Variants in RFX8 observed in about 807,000 individuals in gnomAD.
RFX8 encodes DNA-binding protein RFX8.
In RFX8, 46 loss-of-function variants were observed where a neutral mutation model predicts 54.6. The observed-to-expected ratio is 0.84, with a 90% confidence interval of 0.67 to 1.08. The LOEUF (loss-of-function observed/expected upper bound fraction) is 1.08. Among genes scored for constraint, RFX8 ranks in the 50% least tolerant of loss-of-function variants. RFX8 has a pLI of 0.00. For synonymous variants in RFX8, 192 were observed against 209.5 expected (o/e 0.92, Z 0.72); for missense variants, 536 against 562.3 (o/e 0.95, Z 0.47).
intron 4 of RFX8, among the ~76,000 whole-genome samples, chr2:101,420,792 C>T (rs965908311): frequency 3.9e-5 from 6 of 152,158 alleles, no homozygotes; most frequent in African/African-American, 1.4e-4. Context: ...CTTCTCTGGG[C>T]ACCCAGAATA....
chr2:101,465,918 G>A (rs996799769), intron 2 of RFX8, among the ~76,000 whole-genome samples: 2 of 152,166 alleles, frequency 1.3e-5, no homozygotes, highest in African/African-American at 2.4e-5. Context: ...AGGTGGGCAG[G>A]GAGGCAAAGG....
intron 2 of RFX8, among the ~76,000 whole-genome samples, chr2:101,432,370 C>G (rs1362341283): frequency 6.6e-6 from 1 of 152,140 alleles, no homozygotes; most frequent in Non-Finnish European, 1.5e-5. Flanking sequence ...GTTCAGGTCA[C>G]CAGCACCCTG....
chr2:101,416,335 G>A (rs191474238), intron 6 of RFX8, among the ~76,000 whole-genome samples: 7 of 152,228 alleles, frequency 4.6e-5, no homozygotes, highest in African/African-American at 7.2e-5. Context: ...TCCTTGGACC[G>A]CTTTTGCAGC....
At chr2:101,460,743 CTTT>C (rs1197006275) in intron 2 of RFX8, among the ~76,000 whole-genome samples, 1 of 140,958 alleles carries the variant, frequency 7.1e-6, no homozygotes. Context: ...CTCTTTCTTT[CTTT>C]TTTTTTTTTT....
chr2:101,444,899 G>T (rs902298750), intron 2 of RFX8, among the ~76,000 whole-genome samples: 17 of 152,168 alleles, frequency 1.1e-4, no homozygotes, highest in Non-Finnish European at 2.2e-4. Context: ...CCATGAAGTA[G>T]ATACTGTTAT....
At chr2:101,468,586 G>A (rs2148996810) in intron 1 of RFX8, among the ~76,000 whole-genome samples, 1 of 152,124 alleles carries the variant, frequency 6.6e-6, no homozygotes, top group South Asian at 2.1e-4. Flanking sequence ...CACCGTGCAT[G>A]GCTAGTATCT....
At chr2:101,439,669 A>G (rs539598663) in intron 2 of RFX8, among the ~76,000 whole-genome samples, 1 of 151,194 alleles carries the variant, frequency 6.6e-6, no homozygotes, top group East Asian at 1.9e-4. Context: ...CTTTCATGGA[A>G]TTAATTTTGT....
In RFX8 at chr2:101,409,058, G is replaced by A. The variant is rs187418557; in HGVS notation, c.813+1561C>T. Among the ~76,000 whole-genome samples the A allele has an allele frequency of 7.9e-5, 12 of 152,174 alleles. No homozygotes were observed. The East Asian group carries it at 1.9e-3, about 25-fold the overall frequency. On this transcript the variant is annotated intron_variant, in intron 9 of 11. Transcript: ENST00000428343. ...AACTCACTCCTGCTCTTGAATGCCC[G>A]ATCCCCCTCTCTCAGCTTATTTTAA... is the stretch of plus-strand genomic sequence containing the variant.
intron 2 of RFX8, 90 bp downstream of exon 2, chr2:101,466,687 G>T: frequency 1.1e-6 from 1 of 933,332 alleles, no homozygotes; most frequent in South Asian, 1.4e-5. Context: ...AAATCCATTA[G>T]ACTCAAATAC....
rs779118737 is a variant in RFX8, at chr2:101,418,843, C to G, written c.351+8G>C. 6.6e-7 allele frequency: 1 copy of G among 1,526,178 alleles called. No homozygotes were observed. The highest frequency in any genetic ancestry group is 8.9e-7 in the Non-Finnish European group (1 of 1,123,656). 94.5% of individuals were successfully genotyped at this position (1,526,178 alleles called of 1,614,324 possible). A position where few individuals can be genotyped will look rare whatever the true frequency, so the allele number is the denominator to read the frequency against. ...GGATATACTCTAGAGACTCACGCGT[C>G]CTCCTACCTTGTACAGCTGGACGTC... On this transcript the variant is annotated splice_region_variant and intron_variant, in intron 5 of 11. Transcript: ENST00000428343.
intron 4 of RFX8, chr2:101,421,208 C>T: frequency 2.1e-6 from 2 of 975,026 alleles, no homozygotes; most frequent in Non-Finnish European, 2.4e-6. Flanking sequence ...GCACTTGTTT[C>T]CTTGGATTTT....
chr2:101,467,367 G>A (rs894134728), intron 1 of RFX8, among the ~76,000 whole-genome samples: 12 of 152,286 alleles, frequency 7.9e-5, no homozygotes, highest in Admixed American at 7.8e-4. Flanking sequence ...CCCAGGGCCC[G>A]TTTTCACATC....
intron 2 of RFX8, among the ~76,000 whole-genome samples, chr2:101,463,056 A>G (rs1453682645): frequency 6.6e-6 from 1 of 152,178 alleles, no homozygotes; most frequent in Non-Finnish European, 1.5e-5. Context: ...TCTAATTATT[A>G]TCTGTCCGTC....
chr2:101,450,752 C>T (rs999507326), intron 2 of RFX8: 58 of 771,516 alleles, frequency 7.5e-5, no homozygotes, highest in African/African-American at 4.2e-4. Context: ...AGAGAATAGG[C>T]GAACTAATGA....
chr2:101,430,924 A>C (rs1382806159), intron 2 of RFX8, among the ~76,000 whole-genome samples: 1 of 152,224 alleles, frequency 6.6e-6, no homozygotes, highest in Non-Finnish European at 1.5e-5. Flanking sequence ...TTAATCAGCA[A>C]AATATGGTCA....
At chr2:101,452,860 A>C (rs937689083) in intron 2 of RFX8, among the ~76,000 whole-genome samples, 1 of 152,082 alleles carries the variant, frequency 6.6e-6, no homozygotes, top group Non-Finnish European at 1.5e-5. Context: ...TAATCCCAGC[A>C]CTTTGGGAGG....
intron 10 of RFX8, 133 bp downstream of exon 10, chr2:101,405,810 A>T (rs1685695446): frequency 1.9e-6 from 1 of 518,532 alleles, no homozygotes; most frequent in Non-Finnish European, 3.4e-6. Flanking sequence ...GGTTTGCTGT[A>T]TCTATGTTAT....
intron 2 of RFX8, among the ~76,000 whole-genome samples, chr2:101,439,597 A>ATTTT (rs59003125): frequency 2.1e-5 from 3 of 145,788 alleles, no homozygotes; most frequent in Non-Finnish European, 4.5e-5. Flanking sequence ...ATTGAAGTTC[A>ATTTT]TTTTTTTTTT....
At chr2:101,445,593 T>A (rs1201631497) in intron 2 of RFX8, among the ~76,000 whole-genome samples, 16 of 151,214 alleles carry the variant, frequency 1.1e-4, no homozygotes, top group African/African-American at 3.6e-4. Context: ...TATAAAATTT[T>A]TAATTTTATA....
Sources: gnomAD v4.1 joint callset for allele counts (sites outside exome capture counted in the v4.1 genomes callset) on GRCh38, gnomAD v4.1.1 for gene constraint, MANE v1.5 for transcripts, NCBI Gene and HGNC (gene_info 2026-07-23, HGNC 2026-07-21) for gene names.